The following NEUROD4 variants were observed in gnomAD, a reference collection of about 807,000 sequenced individuals.
NEUROD4 encodes neurogenic differentiation factor 4.
A neutral mutation model predicts 19.8 loss-of-function variants in NEUROD4; 16 were observed. That is an observed-to-expected ratio of 0.81 (90% CI 0.55 to 1.23). The LOEUF is 1.23. Among genes scored for constraint, NEUROD4 ranks in the 50% most tolerant of loss-of-function variants. The pLI is 0.00. For missense variants in NEUROD4, 439 were observed against 398.6 expected, an observed-to-expected ratio of 1.10 and a Z score of -0.86; for synonymous variants, 153 against 147.9, an observed-to-expected ratio of 1.03 and a Z score of -0.25.
chr12:55,029,930 T>C lies in NEUROD4; in HGVS notation c.*2495T>C, dbSNP rs763230040. ...CTTCTGGAGACTTTTTTAGATAAAGTAAAATAATTGTTTAAATATTTTGTT... is the reference window on the plus strand; with the variant it reads ...CTTCTGGAGACTTTTTTAGATAAAGCAAAATAATTGTTTAAATATTTTGTT... On this transcript the variant is annotated 3_prime_UTR_variant, in exon 2 of 2. Transcript: ENST00000242994. The C allele has an allele frequency of 2.2e-4, 36 of 167,082 alleles. No individual in the cohort carries two copies. Among genetic ancestry groups the C allele is most frequent in the Non-Finnish European group, 2.2e-4 (15 of 68,114 alleles). The allele number at this position is 167,082 out of a possible 1,614,324, so 10.3% of individuals were successfully genotyped here.
Position 55,027,376 on chromosome 12 carries a change from T to C in NEUROD4, c.937T>C (p.Tyr313His), listed in dbSNP as rs1421688834. Residue 313 changes from tyrosine (Y) to histidine (H), a missense_variant, in exon 2 of 2, where the codon TAT becomes CAT. Physicochemically the swap from Tyr to His is moderately conservative, Grantham distance 83. Transcript: ENST00000242994. ...TTATGATGTTCCTATAGACATGTCCTATGATTCCTACCCCCATCATGGTAT... is the reference window on the plus strand; with the variant it reads ...TTATGATGTTCCTATAGACATGTCCCATGATTCCTACCCCCATCATGGTAT... ...PRYDVPIDMS[Y>H]DSYPHHGIGT... The C allele has an allele frequency of 6.2e-7, 1 of 1,613,772 alleles. No individual in the cohort carries two copies.
In NEUROD4 at chr12:55,028,810, A is replaced by T. The variant is rs2136242423; in HGVS notation, c.*1375A>T. 1 of 167,074 alleles carries T rather than the reference A, an allele frequency of 6.0e-6. No individual in the cohort carries two copies. Among genetic ancestry groups the T allele is most frequent in the East Asian group, 1.9e-4 (1 of 5,192 alleles). 10.3% of individuals were successfully genotyped at this position (167,074 alleles called of 1,614,324 possible). On this transcript the variant is annotated 3_prime_UTR_variant, in exon 2 of 2. Coordinates refer to ENST00000242994, the MANE Select transcript of NEUROD4 (RefSeq NM_021191.3). The stretch of plus-strand genomic sequence containing the variant: ...CAACTATGTCTTCATCACAGGTTTA[A>T]CCCAATTTGCAGAGTGTTTATTTTT...
chr12:55,021,880 C>A (rs1453686342), intron 1 of NEUROD4, among the ~76,000 whole-genome samples: 1 of 152,022 alleles, frequency 6.6e-6, no homozygotes, highest in Non-Finnish European at 1.5e-5. Context: ...CCCCTTGAGC[C>A]AGTATTCATT....
At chr12:55,020,974 A>T (rs1032937567) in intron 1 of NEUROD4, among the ~76,000 whole-genome samples, 1 of 152,206 alleles carries the variant, frequency 6.6e-6, no homozygotes, top group Non-Finnish European at 1.5e-5. Context: ...TTGCCCGCAA[A>T]AAAAGTATAC....
At chr12:55,024,774 C>T (rs1301104938) in intron 1 of NEUROD4, among the ~76,000 whole-genome samples, 1 of 152,138 alleles carries the variant, frequency 6.6e-6, no homozygotes, top group Non-Finnish European at 1.5e-5. Flanking sequence ...GCTGCTTACC[C>T]AGGAAGCCTT....
At chr12:55,023,046 C>T (rs568883286) in intron 1 of NEUROD4, among the ~76,000 whole-genome samples, 1 of 152,032 alleles carries the variant, frequency 6.6e-6, no homozygotes, top group Non-Finnish European at 1.5e-5. Context: ...TTTTATGCTC[C>T]TAATAATCCT....
chr12:55,029,181 T>C lies in NEUROD4; in HGVS notation c.*1746T>C, dbSNP rs1480936789. 1.4e-5 allele frequency: 2 copies of C among 142,426 alleles called. No individual in the cohort carries two copies. Among genetic ancestry groups the C allele is most frequent in the Non-Finnish European group, 3.2e-5 (2 of 61,868 alleles). 8.8% of individuals were successfully genotyped at this position (142,426 alleles called of 1,614,324 possible). Reference sequence around the variant, plus strand: ...TTTATTATCTCCATACAGTATAAGTTATTTTTTTTCCATTTTGCTCTCAGC... The same window carrying C: ...TTTATTATCTCCATACAGTATAAGTCATTTTTTTTCCATTTTGCTCTCAGC... On this transcript the variant is annotated 3_prime_UTR_variant, in exon 2 of 2. Transcript: ENST00000242994.
intron 1 of NEUROD4, among the ~76,000 whole-genome samples, chr12:55,025,362 T>TCCACTAGTC (rs1376743536): frequency 9.2e-5 from 14 of 152,092 alleles, no homozygotes; most frequent in Non-Finnish European, 1.8e-4. Flanking sequence ...TTCCACTAGT[T>TCCACTAGTC]CCACTAGTTC....
In NEUROD4 at chr12:55,026,638, C is replaced by T; in HGVS notation, c.199C>T (p.Pro67Ser). The T allele has an allele frequency of 6.2e-7, 1 of 1,613,788 alleles. No homozygotes were observed. The highest frequency in any genetic ancestry group is 8.5e-7 in the Non-Finnish European group (1 of 1,179,862). Reference protein sequence around the residue: ...EEEEEEDGEKPKRRGPKKKKM... With the variant: ...EEEEEEDGEKSKRRGPKKKKM... ...AGAAGAGGAAGAAGATGGGGAGAAA[C>T]CTAAGAGAAGGGGTCCCAAGAAAAA... The change falls in exon 2 of 2, where the codon CCT (proline) becomes TCT (serine). Residue 67 changes from proline to serine, a missense_variant. Transcript: ENST00000242994.
In NEUROD4 at chr12:55,027,424, T is replaced by G. The variant is rs774480327; in HGVS notation, c.985T>G (p.Phe329Val). The G allele has an allele frequency of 2.5e-6, 4 of 1,602,076 alleles. No individual in the cohort carries two copies. The highest frequency in any genetic ancestry group is 2.6e-6 in the Non-Finnish European group (3 of 1,174,712). Residue 329 changes from phenylalanine (F) to valine (V), a missense_variant, in exon 2 of 2, where the codon TTC becomes GTC. Transcript: ENST00000242994. ...TATTGGGACCCAACTCAATACAGTCTTCACTGAGTGAGGCAGTTAAGTTCA... is the reference window on the plus strand; with the variant it reads ...TATTGGGACCCAACTCAATACAGTCGTCACTGAGTGAGGCAGTTAAGTTCA... Reference protein sequence around the residue: ...HGIGTQLNTVFTE With the variant: ...HGIGTQLNTVVTE
chr12:55,028,497 A>G lies in NEUROD4; in HGVS notation c.*1062A>G, dbSNP rs1952758379. 1 of 167,050 alleles carries G rather than the reference A, an allele frequency of 6.0e-6. No homozygotes were observed. Among genetic ancestry groups the G allele is most frequent in the South Asian group, 2.1e-4 (1 of 4,832 alleles). The allele number at this position is 167,050 out of a possible 1,614,324, so 10.3% of individuals were successfully genotyped here. On this transcript the variant is annotated 3_prime_UTR_variant, in exon 2 of 2. Coordinates refer to ENST00000242994, the MANE Select transcript of NEUROD4 (RefSeq NM_021191.3). ...CTCACAGTTGCCCATGGGAAAAACC[A>G]ATGGATTTTTTTTTAAGCAAGATGA...
chr12:55,026,494 T>A lies in NEUROD4; in HGVS notation c.55T>A (p.Ser19Thr), dbSNP rs1446722837. 6.2e-7 allele frequency: 1 copy of A among 1,613,812 alleles called. No homozygotes were observed. The highest frequency in any genetic ancestry group is 1.3e-5 in the African/African-American group (1 of 74,890). ...KEMGELVNTP[S>T]WMDKGLGSQN... ...GATGGGAGAGCTAGTCAACACACCA[T>A]CCTGGATGGATAAAGGTCTGGGCTC... Residue 19 changes from serine (S) to threonine (T), a missense_variant, in exon 2 of 2, where the codon TCC (serine) becomes ACC (threonine). By Grantham distance (58) the Ser-to-Thr change is moderately conservative. Transcript: ENST00000242994.
chr12:55,028,055 T>C lies in NEUROD4; in HGVS notation c.*620T>C, dbSNP rs1374237045. 1 of 167,054 alleles carries C rather than the reference T, an allele frequency of 6.0e-6. No homozygotes were observed. Among genetic ancestry groups the C allele is most frequent in the Non-Finnish European group, 1.5e-5 (1 of 68,116 alleles). The allele number at this position is 167,054 out of a possible 1,614,324, so 10.3% of individuals were successfully genotyped here. On this transcript the variant is annotated 3_prime_UTR_variant, in exon 2 of 2. Coordinates refer to ENST00000242994, the MANE Select transcript of NEUROD4 (RefSeq NM_021191.3). ...TCTTTGTATCTATTGAAAAATAGCT[T>C]CTGGAAGCTAAAAGTCTAACATGGC...
At position 55,027,093 on chromosome 12, in the gene NEUROD4, A is replaced by G; in HGVS notation, c.654A>G (p.Glu218=). The G allele has an allele frequency of 6.2e-7, 1 of 1,614,114 alleles. No individual in the cohort carries two copies. Among genetic ancestry groups the G allele is most frequent in the South Asian group, 1.1e-5 (1 of 91,080 alleles). The part of the protein sequence containing the change: ...GLPSPPYGHM[E]THLLHLKPQV... ...CTAGCCCTCCTTATGGTCATATGGA[A>G]ACACATCTCCTTCATCTCAAGCCCC... Residue 218 remains glutamate, a synonymous_variant, in exon 2 of 2, where the codon GAA becomes GAG. Transcript: ENST00000242994.
intron 1 of NEUROD4, among the ~76,000 whole-genome samples, chr12:55,024,212 C>T (rs377673525): frequency 3.3e-5 from 5 of 152,256 alleles, no homozygotes; most frequent in African/African-American, 1.2e-4. Context: ...ATTTCTATTG[C>T]TGTACATCTC....
chr12:55,022,146 T>C (rs1394145197), intron 1 of NEUROD4, among the ~76,000 whole-genome samples: 3 of 152,146 alleles, frequency 2.0e-5, no homozygotes, highest in Non-Finnish European at 4.4e-5. Flanking sequence ...TTATTTTCAT[T>C]TTGCCCTAAG....
chr12:55,024,382 C>A lies in NEUROD4; in HGVS notation c.-9-2049C>A, dbSNP rs1329331522. 5.9e-5 allele frequency among the ~76,000 whole-genome samples: 9 copies of A among 152,222 alleles called. No individual in the cohort carries two copies. In the East Asian group the frequency reaches 1.5e-3, roughly 26 times the overall value. On this transcript the variant is annotated intron_variant, in intron 1 of 1. Coordinates refer to ENST00000242994, the MANE Select transcript of NEUROD4 (RefSeq NM_021191.3). ...ATTTCCATCACTTAAACTACCTGAC[C>A]CACAGTGACCTTGAGTATAAAATGA... is the stretch of plus-strand genomic sequence containing the variant.
In NEUROD4 at chr12:55,027,098, A is replaced by G; in HGVS notation, c.659A>G (p.His220Arg). ...CCTCCTTATGGTCATATGGAAACAC[A>G]TCTCCTTCATCTCAAGCCCCAAGTA... ...PSPPYGHMET[H>R]LLHLKPQVFK... Residue 220 changes from histidine (H) to arginine (R), a missense_variant, in exon 2 of 2, where the codon CAT becomes CGT. Coordinates refer to ENST00000242994, the MANE Select transcript of NEUROD4 (RefSeq NM_021191.3). 1 of 1,614,128 alleles carries G rather than the reference A, an allele frequency of 6.2e-7. No homozygotes were observed. Among genetic ancestry groups the G allele is most frequent in the Non-Finnish European group, 8.5e-7 (1 of 1,180,014 alleles).
In NEUROD4 at chr12:55,026,574, C is replaced by A. The variant is rs773471295; in HGVS notation, c.135C>A (p.Ser45Arg). The stretch of plus-strand genomic sequence containing the variant: ...GACCAGGTACTTATGGGATGCTCAG[C>A]AGCTTAACTGAAGAGCATGACAGTA... ...ESRPGTYGML[S>R]SLTEEHDSIE... Residue 45 changes from serine (S) to arginine (R), a missense_variant, in exon 2 of 2, where the codon AGC (serine) becomes AGA (arginine). Physicochemically the swap from Ser to Arg is moderately radical, Grantham distance 110 (BLOSUM62 -1). Transcript: ENST00000242994. 54 of 1,613,794 alleles carry A rather than the reference C, an allele frequency of 3.3e-5. 2 individuals are homozygous for A. In the South Asian group the frequency reaches 5.6e-4, roughly 17 times the overall value.
Sources: gnomAD v4.1 joint callset for allele counts (sites outside exome capture counted in the v4.1 genomes callset) on GRCh38, gnomAD v4.1.1 for gene constraint, MANE v1.5 for transcripts, NCBI Gene and HGNC (gene_info 2026-07-23, HGNC 2026-07-21) for gene names.